Variants in TMEM135 observed in about 807,000 individuals in gnomAD.
TMEM135 encodes transmembrane protein 135.
In TMEM135, 30 loss-of-function variants were observed where a neutral mutation model predicts 60.3. That is an observed-to-expected ratio of 0.50 (90% CI 0.37 to 0.68). The LOEUF (loss-of-function observed/expected upper bound fraction) is 0.68, where lower values mean the gene tolerates loss of function less well. TMEM135 is among the 30% of genes least tolerant of loss of function. The probability of loss-of-function intolerance (pLI) is 0.00; values close to 1 mark genes in which losing one functional copy is unlikely to be tolerated. For missense variants in TMEM135, 468 were observed against 548.8 expected (o/e 0.85, Z 1.47); for synonymous variants, 190 against 186.7 (o/e 1.02, Z -0.14).
At chr11:87,136,711 T>G (rs1938111220) in intron 4 of TMEM135, among the ~76,000 whole-genome samples, 1 of 152,004 alleles carries the variant, frequency 6.6e-6, no homozygotes, top group South Asian at 2.1e-4. Context: ...TATTTCTTCT[T>G]GTGAGAGCTG....
intron 2 of TMEM135, among the ~76,000 whole-genome samples, chr11:87,070,654 A>AC (rs35041310): frequency 3.9e-4 from 58 of 150,226 alleles, no homozygotes; most frequent in African/African-American, 1.4e-3. Context: ...AACAACAACA[A>AC]AAAACCAAAC....
intron 5 of TMEM135, among the ~76,000 whole-genome samples, chr11:87,197,535 T>C (rs1469503216): frequency 6.6e-6 from 1 of 152,108 alleles, no homozygotes; most frequent in Admixed American, 6.5e-5. Context: ...TGCAATTTGC[T>C]AAATTTCTTC....
chr11:87,265,608 C>T (rs145098150), intron 6 of TMEM135, among the ~76,000 whole-genome samples: 80 of 152,068 alleles, frequency 5.3e-4, no homozygotes, highest in African/African-American at 1.7e-3. Flanking sequence ...AATATTTGAA[C>T]GTTCTCTTAA....
chr11:87,066,901 C>T (rs1327218144), intron 1 of TMEM135, among the ~76,000 whole-genome samples: 1 of 150,870 alleles, frequency 6.6e-6, no homozygotes, highest in Non-Finnish European at 1.5e-5. Context: ...CTGCCTCAGC[C>T]TCCCAAGTAG....
chr11:87,303,396 C>T (rs145792884), intron 8 of TMEM135, among the ~76,000 whole-genome samples: 12 of 152,290 alleles, frequency 7.9e-5, no homozygotes, highest in African/African-American at 2.9e-4. Context: ...GAAACCGGTC[C>T]CTGGTGCCAA....
At chr11:87,295,708 T>G (rs1942335601) in intron 6 of TMEM135, 74 bp from the exon 7 acceptor site, 1 of 1,309,452 alleles carries the variant, frequency 7.6e-7, no homozygotes, top group African/African-American at 1.5e-5. Flanking sequence ...AAACATTATT[T>G]TCAGAAAAAA....
rs1053266961 is a variant in TMEM135, at chr11:87,326,849, G to A, written c.*5516G>A. 2.2e-6 allele frequency: 1 copy of A among 450,352 alleles called. No homozygotes were observed. The highest frequency in any genetic ancestry group is 2.0e-5 in the African/African-American group (1 of 49,150). The allele number at this position is 450,352 out of a possible 1,614,324, so 27.9% of individuals were successfully genotyped here. On this transcript the variant is annotated 3_prime_UTR_variant, in exon 15 of 15. Transcript: ENST00000305494. ...AGGGATAGCACTAAGGCTCTCTTCA[G>A]AACCAAAGGGCAGGATAAATAAATC...
chr11:87,269,105 C>T (rs1306933276), intron 6 of TMEM135, among the ~76,000 whole-genome samples: 1 of 148,664 alleles, frequency 6.7e-6, no homozygotes, highest in Non-Finnish European at 1.5e-5. Context: ...TTTTATTTCT[C>T]ATTTTTCAAA....
chr11:87,292,055 AC>A (rs1394869335), intron 6 of TMEM135, among the ~76,000 whole-genome samples: 1 of 151,880 alleles, frequency 6.6e-6, no homozygotes, highest in East Asian at 1.9e-4. Flanking sequence ...TGCCAAGCTG[AC>A]TCTGTATCAT....
At chr11:87,090,207 A>C (rs1363008865) in intron 3 of TMEM135, among the ~76,000 whole-genome samples, 1 of 151,962 alleles carries the variant, frequency 6.6e-6, no homozygotes, top group African/African-American at 2.4e-5. Flanking sequence ...TGATAATGTA[A>C]ATTTTTTCTT....
chr11:87,259,011 G>C, intron 6 of TMEM135: 2 of 1,524,664 alleles, frequency 1.3e-6, no homozygotes, highest in Non-Finnish European at 1.8e-6. Flanking sequence ...TAAAGGAAGT[G>C]GTCCCAATCC....
At chr11:87,042,497 A>G (rs1163089032) in intron 1 of TMEM135, among the ~76,000 whole-genome samples, 2 of 152,152 alleles carry the variant, frequency 1.3e-5, no homozygotes, top group Non-Finnish European at 2.9e-5. Flanking sequence ...CTTGGGGAAA[A>G]TTCTAGTTTC....
chr11:87,141,040 GTTC>G (rs1329239733), intron 4 of TMEM135, among the ~76,000 whole-genome samples: 11 of 88,640 alleles, frequency 1.2e-4, no homozygotes, highest in Admixed American at 7.4e-4. Context: ...TGCCAACTTT[GTTC>G]TTTTTTTTTT....
In TMEM135 at chr11:87,047,997, G is replaced by A. The variant is rs1473637847; in HGVS notation, c.141+9811G>A. ...ATGGGCAGACTGCCTCCTCAAGTGG[G>A]TCCCTGACCCCTGACCCCTGAGCAG... On this transcript the variant is annotated intron_variant, in intron 1 of 14. Transcript: ENST00000305494. 2.6e-5 allele frequency among the ~76,000 whole-genome samples: 2 copies of A among 77,448 alleles called. 1 individual carries two copies. Among genetic ancestry groups the A allele is most frequent in the Non-Finnish European group, 4.5e-5 (2 of 44,754 alleles). The allele number at this position is 77,448 out of a possible 152,430, so 50.8% of individuals were successfully genotyped here.
Position 87,037,953 on chromosome 11 carries a change from T to C in TMEM135, c.-93T>C, listed in dbSNP as rs970024138. 1.3e-6 allele frequency: 2 copies of C among 1,586,616 alleles called. No individual in the cohort carries two copies. The highest frequency in any genetic ancestry group is 1.7e-6 in the Non-Finnish European group (2 of 1,163,840). ...CCCTCCATTCCGCACCTCCGAGTGC[T>C]GGCCGGGCGAGAGGCTGGCGGCTGG... On this transcript the variant is annotated 5_prime_UTR_variant, in exon 1 of 15. Coordinates refer to ENST00000305494, the MANE Select transcript of TMEM135 (RefSeq NM_022918.4).
At position 87,327,161 on chromosome 11, in the gene TMEM135, G is replaced by A. The variant is rs1397465627; in HGVS notation, c.*5828G>A. On this transcript the variant is annotated 3_prime_UTR_variant, in exon 15 of 15. Transcript: ENST00000305494. ...AGCCTTTACTCGGAGGTGTTCATGT[G>A]ACCCTGTTTTGGCCAATAAAATGTA... is the stretch of plus-strand genomic sequence containing the variant. The A allele has an allele frequency of 2.2e-6, 1 of 453,958 alleles. No individual in the cohort carries two copies. The highest frequency in any genetic ancestry group is 4.4e-6 in the Non-Finnish European group (1 of 226,776). 28.1% of individuals were successfully genotyped at this position (453,958 alleles called of 1,614,324 possible).
At chr11:87,046,304 T>C (rs767214084) in intron 1 of TMEM135, among the ~76,000 whole-genome samples, 1 of 152,198 alleles carries the variant, frequency 6.6e-6, no homozygotes, top group Non-Finnish European at 1.5e-5. Flanking sequence ...CTTGGGAGAC[T>C]GAGGCAGGAG....
At chr11:87,189,129 CT>C (rs148611107) in intron 5 of TMEM135, among the ~76,000 whole-genome samples, 11 of 114,782 alleles carry the variant, frequency 9.6e-5, no homozygotes, top group Admixed American at 8.5e-5. Flanking sequence ...TTCCCTTTCC[CT>C]TTTCCTTTCC....
Position 87,327,392 on chromosome 11 carries a change from C to T in TMEM135, c.*6059C>T. ...GCCAGGTCAGAAAAATAGAAAGAAC[C>T]TGCTTCTGTGAGCCACTGAATGGTG... On this transcript the variant is annotated 3_prime_UTR_variant, in exon 15 of 15. Coordinates refer to ENST00000305494, the MANE Select transcript of TMEM135 (RefSeq NM_022918.4). The T allele has an allele frequency of 2.2e-6, 1 of 453,988 alleles. No homozygotes were observed. The highest frequency in any genetic ancestry group is 4.4e-6 in the Non-Finnish European group (1 of 226,776). The allele number at this position is 453,988 out of a possible 1,614,324, so 28.1% of individuals were successfully genotyped here.
Sources: gnomAD v4.1 joint callset for allele counts (sites outside exome capture counted in the v4.1 genomes callset) on GRCh38, gnomAD v4.1.1 for gene constraint, MANE v1.5 for transcripts, NCBI Gene and HGNC (gene_info 2026-07-23, HGNC 2026-07-21) for gene names.